The following RNF144A variants were observed in gnomAD, a reference collection of about 807,000 sequenced individuals.
The protein encoded by RNF144A is ring finger protein 144A.
Under a neutral mutation model 38.7 loss-of-function variants are expected in RNF144A, and 11 were observed. The ratio of observed to expected loss-of-function variants is 0.28; its 90% CI spans 0.18 to 0.47. RNF144A has a LOEUF of 0.47. Ranked by LOEUF, RNF144A falls within the 20% of genes least tolerant of loss-of-function variation. The pLI is 0.99. For missense variants in RNF144A, 316 were observed against 377.2 expected (o/e 0.84, Z 1.34); for synonymous variants, 149 against 143.9 (o/e 1.04, Z -0.25).
At chr2:6,919,344 C>T (rs1409816653) in intron 1 of RNF144A, among the ~76,000 whole-genome samples, 1 of 152,230 alleles carries the variant, frequency 6.6e-6, no homozygotes, top group Non-Finnish European at 1.5e-5. Flanking sequence ...GTATTCTCTT[C>T]TCCGGTACTG....
At chr2:6,925,816 G>T (rs536734351) in intron 1 of RNF144A, among the ~76,000 whole-genome samples, 2 of 152,224 alleles carry the variant, frequency 1.3e-5, no homozygotes, top group African/African-American at 4.8e-5. Context: ...AGCATCAGGG[G>T]TTAGGAGTTC....
intron 1 of RNF144A, among the ~76,000 whole-genome samples, chr2:6,931,644 T>G (rs2103280748): frequency 6.6e-6 from 1 of 152,302 alleles, no homozygotes; most frequent in South Asian, 2.1e-4. Context: ...TCTGTTTTGG[T>G]GGTGGTTTTG....
At chr2:7,075,291 C>CCG in the RNF144A span, among the ~76,000 whole-genome samples, 10 of 151,336 alleles carry the variant, frequency 6.6e-5, no homozygotes, top group African/African-American at 2.4e-4. Flanking sequence ...TCCCCCCCCC[C>CCG]ACACAGTGTT....
chr2:7,056,760 C>G (rs372910140), intron 6 of RNF144A, among the ~76,000 whole-genome samples: 68 of 152,342 alleles, frequency 4.5e-4, no homozygotes, highest in African/African-American at 1.5e-3. Context: ...GGTCTCCCCC[C>G]CAGTTGTGGC....
At chr2:7,060,120 A>C (rs1673894395) in intron 6 of RNF144A, among the ~76,000 whole-genome samples, 1 of 149,114 alleles carries the variant, frequency 6.7e-6, no homozygotes, top group Admixed American at 6.9e-5. Context: ...ATCTACTGCT[A>C]AACATAGTTC....
chr2:6,996,356 C>G (rs1669737988), intron 2 of RNF144A, among the ~76,000 whole-genome samples: 1 of 152,116 alleles, frequency 6.6e-6, no homozygotes, highest in Non-Finnish European at 1.5e-5. Context: ...TGGCAGGTGT[C>G]TTATTAAAAT....
rs1195921282 is a variant in RNF144A at position 7,024,445 on chromosome 2, G to A, written c.586G>A (p.Glu196Lys). The part of the protein sequence containing the change: ...PKCKVYIERD[E>K]GCAQMMCKNC... ...GTGCAAAGTCTACATCGAGCGAGAC[G>A]AAGGCTGCGCGCAGATGATGTGCAA... Residue 196 changes from glutamate to lysine, a missense_variant, in exon 7 of 9, where the codon GAA becomes AAA. Coordinates refer to ENST00000320892, the MANE Select transcript of RNF144A (RefSeq NM_014746.6). 3.1e-6 allele frequency: 5 copies of A among 1,613,034 alleles called. No individual in the cohort carries two copies. In the African/African-American group the frequency reaches 4.0e-5, roughly 13 times the overall value.
intron 2 of RNF144A, among the ~76,000 whole-genome samples, chr2:6,946,824 G>C (rs937311225): frequency 2.0e-5 from 3 of 152,066 alleles, no homozygotes; most frequent in African/African-American, 7.2e-5. Context: ...TAAAGTCTTA[G>C]TATAGTCTCT....
chr2:6,918,072 T>C (rs1037526280), intron 1 of RNF144A, among the ~76,000 whole-genome samples: 4 of 152,022 alleles, frequency 2.6e-5, no homozygotes, highest in Non-Finnish European at 5.9e-5. Context: ...ACCCTGGGGC[T>C]GGAGCCTCGG....
chr2:6,933,595 G>T (rs1468687136), intron 1 of RNF144A, among the ~76,000 whole-genome samples: 6 of 151,652 alleles, frequency 4.0e-5, no homozygotes, highest in African/African-American at 1.5e-4. Context: ...AGTTATAAAT[G>T]CAGAGAATAA....
chr2:7,053,207 A>G (rs1673596541), intron 6 of RNF144A, among the ~76,000 whole-genome samples: 1 of 152,250 alleles, frequency 6.6e-6, no homozygotes, highest in Non-Finnish European at 1.5e-5. Flanking sequence ...CAGAAGCATG[A>G]GCATTGCCTG....
chr2:6,929,993 A>G (rs150081081), intron 1 of RNF144A, among the ~76,000 whole-genome samples: 1 of 152,370 alleles, frequency 6.6e-6, no homozygotes, highest in African/African-American at 2.4e-5. Context: ...AAACTGGGTG[A>G]AAGGATGGCG....
At chr2:6,999,317 C>A (rs1051839625) in intron 3 of RNF144A, among the ~76,000 whole-genome samples, 4 of 152,148 alleles carry the variant, frequency 2.6e-5, no homozygotes, top group African/African-American at 9.7e-5. Context: ...GAGGAGGTGT[C>A]GGGGTGCCCT....
chr2:7,041,481 C>T lies in RNF144A; in HGVS notation c.*1721C>T. Reference sequence around the variant, plus strand: ...CTCCTTGTAATTGCAAGTTTAGTAACTCAGTAAGAACATGCCTGCGACTCC... The same window carrying T: ...CTCCTTGTAATTGCAAGTTTAGTAATTCAGTAAGAACATGCCTGCGACTCC... On this transcript the variant is annotated 3_prime_UTR_variant, in exon 9 of 9. Coordinates refer to ENST00000320892, the MANE Select transcript of RNF144A (RefSeq NM_014746.6). 1.0e-6 allele frequency: 1 copy of T among 985,938 alleles called. No individual in the cohort carries two copies. Among genetic ancestry groups the T allele is most frequent in the Non-Finnish European group, 1.2e-6 (1 of 829,926 alleles). 61.1% of individuals were successfully genotyped at this position (985,938 alleles called of 1,614,324 possible). A position where few individuals can be genotyped will look rare whatever the true frequency, so the allele number is the denominator to read the frequency against.
At chr2:6,969,427 G>A (rs1251426447) in intron 2 of RNF144A, among the ~76,000 whole-genome samples, 1 of 152,124 alleles carries the variant, frequency 6.6e-6, no homozygotes, top group African/African-American at 2.4e-5. Flanking sequence ...AGGGAGAGGG[G>A]CCTGGAGCAG....
chr2:7,036,202 T>A (rs945101628), intron 8 of RNF144A, among the ~76,000 whole-genome samples: 11 of 152,180 alleles, frequency 7.2e-5, no homozygotes, highest in Non-Finnish European at 1.5e-4. Flanking sequence ...AGCATTTCAT[T>A]TTCTCTAGAG....
rs1171271976 is a variant in RNF144A, at chr2:6,986,250, G to GT, written c.-11-10654dup. 7.0e-3 allele frequency among the ~76,000 whole-genome samples: 1,024 copies of GT among 146,188 alleles called. 5 individuals are homozygous for GT. Among genetic ancestry groups the GT allele is most frequent in the East Asian group, 0.026 (131 of 5,032 alleles). On this transcript the variant is annotated intron_variant, in intron 2 of 8. Transcript: ENST00000320892. ...TTCCCAAAGCTTGCAATAAAACCCG[G>GT]TTTTTTTTTTTTAAAGCTTTCGGAG... is the stretch of plus-strand genomic sequence containing the variant.
At position 7,030,338 on chromosome 2, in the gene RNF144A, A is replaced by G. The variant is rs1672217002; in HGVS notation, c.747+123A>G. 55 of 752,590 alleles carry G rather than the reference A, an allele frequency of 7.3e-5. 1 individual carries two copies. The South Asian group carries it at 8.5e-4, about 12-fold the overall frequency. The allele number at this position is 752,590 out of a possible 1,614,324, so 46.6% of individuals were successfully genotyped here. A position where few individuals can be genotyped will look rare whatever the true frequency, so the allele number is the denominator to read the frequency against. On this transcript the variant is annotated intron_variant, in intron 8 of 8. Transcript: ENST00000320892. ...ATCTTTAGTGTTTCCAGACTTGCCTAAAGGACGAAGATCTCCTGGATAGAA... is the reference window on the plus strand; with the variant it reads ...ATCTTTAGTGTTTCCAGACTTGCCTGAAGGACGAAGATCTCCTGGATAGAA...
intron 7 of RNF144A, among the ~76,000 whole-genome samples, chr2:7,027,756 G>A (rs1443600216): frequency 1.3e-5 from 2 of 152,186 alleles, no homozygotes. Context: ...CACAGAAATA[G>A]ATCTGTGTTC....
Sources: allele counts gnomAD v4.1 joint callset (sites outside exome capture counted in the v4.1 genomes callset), GRCh38; gene constraint gnomAD v4.1.1; transcripts MANE v1.5; gene names NCBI Gene and HGNC (gene_info 2026-07-23, HGNC 2026-07-21).